Variants in DLG2 observed in about 807,000 individuals in gnomAD.
The protein encoded by DLG2 is discs large MAGUK scaffold protein 2, also known as disks large homolog 2.
A neutral mutation model predicts 132.5 loss-of-function variants in DLG2; 45 were observed. That is an observed-to-expected ratio of 0.34 (90% confidence interval 0.27 to 0.44). The LOEUF (loss-of-function observed/expected upper bound fraction) is 0.44. Ranked by LOEUF, DLG2 falls within the 20% of genes least tolerant of loss-of-function variation. The pLI, the probability that DLG2 is intolerant of heterozygous loss-of-function variation, is 1.00. For synonymous variants in DLG2, 424 were observed against 419.6 expected (o/e 1.01, Z -0.13); for missense variants, 1,045 against 1,196.9 (o/e 0.87, Z 1.87).
chr11:84,289,475 C>T (rs763637751), intron 7 of DLG2, among the ~76,000 whole-genome samples: 2 of 151,968 alleles, frequency 1.3e-5, no homozygotes, highest in Non-Finnish European at 2.9e-5. Context: ...AGAAAAATGG[C>T]CTCTGCATCT....
At chr11:85,237,361 G>T (rs72947965) in intron 4 of DLG2, among the ~76,000 whole-genome samples, 4,451 of 152,128 alleles carry the variant, frequency 0.029, 92 homozygotes, top group Non-Finnish European at 0.045. Flanking sequence ...CCCTTAAAGA[G>T]CCTAAGCTGA....
chr11:83,947,312 T>C (rs1442581740), intron 14 of DLG2, among the ~76,000 whole-genome samples: 2 of 152,198 alleles, frequency 1.3e-5, no homozygotes, highest in South Asian at 2.1e-4. Context: ...ACTTTTACAA[T>C]TAGGCCTGGT....
chr11:84,345,915 C>T (rs888737431), intron 7 of DLG2, among the ~76,000 whole-genome samples: 11 of 152,094 alleles, frequency 7.2e-5, no homozygotes, highest in African/African-American at 2.7e-4. Flanking sequence ...AAAATATTTA[C>T]AATTTGACCC....
chr11:84,539,583 T>A lies in DLG2; in HGVS notation c.358-4852A>T, dbSNP rs561885713. Among the ~76,000 whole-genome samples the A allele has an allele frequency of 2.0e-5, 3 of 152,308 alleles. No individual in the cohort carries two copies. The East Asian group carries it at 5.8e-4, about 29-fold the overall frequency. ...GAAGGGGACTTGAGTAAAAGAAACT[T>A]TGTAATTCTGTGAGGAAAGTCATCG... On this transcript the variant is annotated intron_variant, in intron 6 of 27. Coordinates refer to ENST00000376104, the MANE Select transcript of DLG2 (RefSeq NM_001142699.3).
chr11:84,607,014 AT>A (rs1382464619), intron 6 of DLG2, among the ~76,000 whole-genome samples: 1 of 152,072 alleles, frequency 6.6e-6, no homozygotes, highest in Non-Finnish European at 1.5e-5. Flanking sequence ...TTCTTTCTCC[AT>A]ATCCAGGATC....
intron 6 of DLG2, among the ~76,000 whole-genome samples, chr11:84,888,843 G>T (rs1364104322): frequency 2.6e-5 from 4 of 152,090 alleles, no homozygotes; most frequent in Non-Finnish European, 4.4e-5. Flanking sequence ...TCAGTGGGGA[G>T]GCAGAAGTGA....
At chr11:84,569,881 G>C (rs967115080) in intron 6 of DLG2, among the ~76,000 whole-genome samples, 5 of 152,162 alleles carry the variant, frequency 3.3e-5, no homozygotes, top group African/African-American at 1.2e-4. Flanking sequence ...TTTGCTGTGA[G>C]AGATAAATGA....
chr11:85,064,294 G>A (rs1291669348), intron 6 of DLG2, among the ~76,000 whole-genome samples: 1 of 151,890 alleles, frequency 6.6e-6, no homozygotes, highest in East Asian at 1.9e-4. Context: ...CTAGGTACAA[G>A]AAGCTAGAGA....
At position 85,607,220 on chromosome 11, in the gene DLG2, G is replaced by A. The variant is rs188245422; in HGVS notation, c.-92-8432C>T. ...AGCACAGCCGCCGGACTAAAGACACGGGTGTCAGGCTTTCTGGGAAAGGGC... is the reference window on the plus strand; with the variant it reads ...AGCACAGCCGCCGGACTAAAGACACAGGTGTCAGGCTTTCTGGGAAAGGGC... On this transcript the variant is annotated intron_variant, in intron 2 of 27. Coordinates refer to ENST00000376104, the MANE Select transcript of DLG2 (RefSeq NM_001142699.3). 1.1e-4 allele frequency among the ~76,000 whole-genome samples: 17 copies of A among 152,286 alleles called. No individual in the cohort carries two copies. The East Asian group carries it at 2.3e-3, about 21-fold the overall frequency.
chr11:84,919,433 G>A (rs934736018), intron 6 of DLG2, among the ~76,000 whole-genome samples: 5 of 151,954 alleles, frequency 3.3e-5, no homozygotes, highest in African/African-American at 1.2e-4. Flanking sequence ...TTGTATTTAC[G>A]CTCAGTAAAT....
At chr11:85,446,993 GAA>G (rs1565503179) in intron 3 of DLG2, among the ~76,000 whole-genome samples, 1 of 152,054 alleles carries the variant, frequency 6.6e-6, no homozygotes. Context: ...TTTAAAAAGA[GAA>G]AGGCAACACA....
At chr11:84,715,054 C>A (rs982110386) in intron 6 of DLG2, among the ~76,000 whole-genome samples, 1 of 151,932 alleles carries the variant, frequency 6.6e-6, no homozygotes, top group Non-Finnish European at 1.5e-5. Flanking sequence ...AGGGCAGTTA[C>A]AAAAGGTCCA....
chr11:84,714,583 TTC>T (rs2060871720), intron 6 of DLG2, among the ~76,000 whole-genome samples: 4 of 127,100 alleles, frequency 3.1e-5, no homozygotes, highest in African/African-American at 1.0e-4. Flanking sequence ...CTCTTTCTCT[TTC>T]TCTTTCTCTT....
chr11:84,689,255 A>C (rs534395894), intron 6 of DLG2, among the ~76,000 whole-genome samples: 3 of 152,214 alleles, frequency 2.0e-5, no homozygotes, highest in South Asian at 4.1e-4. Context: ...TAAAATGCCT[A>C]ATGTCTTGTT....
At position 83,940,966 on chromosome 11, in the gene DLG2, T is replaced by C. The variant is rs905978118; in HGVS notation, c.1341-10483A>G. On this transcript the variant is annotated intron_variant, in intron 14 of 27. Coordinates refer to ENST00000376104, the MANE Select transcript of DLG2 (RefSeq NM_001142699.3). Reference sequence around the variant, plus strand: ...ATCTGGCTGTAGGCCATCCGGTTTATACATCTCTCTTGTCATGTCTGTGGA... The same window carrying C: ...ATCTGGCTGTAGGCCATCCGGTTTACACATCTCTCTTGTCATGTCTGTGGA... Among the ~76,000 whole-genome samples, 13 of 152,252 alleles carry C rather than the reference T, an allele frequency of 8.5e-5. 1 individual carries two copies. The highest frequency in any genetic ancestry group is 2.4e-4 in the African/African-American group (10 of 41,466).
intron 6 of DLG2, among the ~76,000 whole-genome samples, chr11:84,575,103 T>A (rs2099496160): frequency 6.6e-6 from 1 of 152,176 alleles, no homozygotes; most frequent in Non-Finnish European, 1.5e-5. Context: ...CCATTTTATC[T>A]CACTGCCACT....
At chr11:84,220,961 T>G (rs950757253) in intron 8 of DLG2, among the ~76,000 whole-genome samples, 4 of 150,974 alleles carry the variant, frequency 2.6e-5, no homozygotes, top group Non-Finnish European at 4.4e-5. Context: ...CTGATGTTTT[T>G]TTTTTTTTTT....
At chr11:84,486,349 A>T (rs185997231) in intron 7 of DLG2, among the ~76,000 whole-genome samples, 1 of 152,274 alleles carries the variant, frequency 6.6e-6, no homozygotes, top group Admixed American at 6.5e-5. Context: ...GGTTTTGGTT[A>T]GACTTGGTTG....
chr11:85,578,172 A>G (rs1247730375), intron 3 of DLG2, among the ~76,000 whole-genome samples: 1 of 152,226 alleles, frequency 6.6e-6, no homozygotes, highest in Admixed American at 6.5e-5. Flanking sequence ...CAGTGCTGTG[A>G]TAACTGGCTA....
Sources: gnomAD v4.1 joint callset for allele counts (sites outside exome capture counted in the v4.1 genomes callset) on GRCh38, gnomAD v4.1.1 for gene constraint, MANE v1.5 for transcripts, NCBI Gene and HGNC (gene_info 2026-07-23, HGNC 2026-07-21) for gene names.